The following MCC variants were observed in gnomAD, a reference collection of about 807,000 sequenced individuals.
MCC encodes the protein colorectal mutant cancer protein.
Under a neutral mutation model 116.2 loss-of-function variants are expected in MCC, and 90 were observed. That is an observed-to-expected ratio of 0.77 (90% CI 0.65 to 0.92). The LOEUF (loss-of-function observed/expected upper bound fraction) is 0.92. Ranked by LOEUF, MCC falls within the 40% of genes least tolerant of loss-of-function variation. The pLI is 0.00. For synonymous variants in MCC, 578 were observed against 510.5 expected (o/e 1.13, Z -1.78); for missense variants, 1,516 against 1,312.2 (o/e 1.16, Z -2.40).
intron 1 of MCC, among the ~76,000 whole-genome samples, chr5:113,447,188 A>T (rs930089976): frequency 6.6e-6 from 1 of 152,194 alleles, no homozygotes; most frequent in Admixed American, 6.5e-5. Flanking sequence ...AAATAAAATG[A>T]TGATTTTTAA....
At chr5:113,105,855 T>A (rs1194883262) in intron 6 of MCC, among the ~76,000 whole-genome samples, 1 of 152,192 alleles carries the variant, frequency 6.6e-6, no homozygotes, top group Non-Finnish European at 1.5e-5. Flanking sequence ...AACATTCATA[T>A]AAAGTCCCAA....
chr5:113,357,987 T>TA (rs1272167828), intron 2 of MCC, among the ~76,000 whole-genome samples: 1 of 152,188 alleles, frequency 6.6e-6, no homozygotes, highest in East Asian at 1.9e-4. Context: ...AAAAACTTTC[T>TA]AAAAAACTTT....
At chr5:113,351,743 AC>A (rs1768273737) in intron 2 of MCC, among the ~76,000 whole-genome samples, 1 of 151,994 alleles carries the variant, frequency 6.6e-6, no homozygotes, top group Admixed American at 6.6e-5. Flanking sequence ...GGGGATGGAT[AC>A]CCCTTTTACC....
chr5:113,105,694 C>T (rs910384219), intron 6 of MCC, among the ~76,000 whole-genome samples: 2 of 152,314 alleles, frequency 1.3e-5, no homozygotes, highest in Middle Eastern at 3.4e-3. Context: ...CTACTGACAC[C>T]ATCCTGCTCT....
chr5:113,253,665 T>G (rs923510439), intron 3 of MCC, among the ~76,000 whole-genome samples: 7 of 151,602 alleles, frequency 4.6e-5, no homozygotes, highest in Admixed American at 2.0e-4. Flanking sequence ...TGACTACATA[T>G]GAAGAAAGCT....
At chr5:113,196,705 C>T (rs539416256) in intron 3 of MCC, among the ~76,000 whole-genome samples, 113 of 152,134 alleles carry the variant, frequency 7.4e-4, no homozygotes, top group Non-Finnish European at 1.1e-3. Flanking sequence ...AAAAATTAGC[C>T]GAGCGTGGTG....
Position 113,052,719 on chromosome 5 carries a change from ACCT to A in MCC, c.2448+1003_2448+1005del, listed in dbSNP as rs1752565183. 2.0e-5 allele frequency among the ~76,000 whole-genome samples: 3 copies of A among 152,206 alleles called. No homozygotes were observed. The South Asian group carries it at 6.2e-4, about 32-fold the overall frequency. ...GAGCCATTAACTCTGCACTGCCACG[ACCT>A]GCTCTGGCTTGCTAGACTCCAGTTC... On this transcript the variant is annotated intron_variant, in intron 15 of 18. Coordinates refer to ENST00000408903, the MANE Select transcript of MCC (RefSeq NM_001085377.2).
chr5:113,336,592 G>A (rs527256608), intron 3 of MCC, among the ~76,000 whole-genome samples: 3 of 148,190 alleles, frequency 2.0e-5, no homozygotes, highest in African/African-American at 8.0e-5. Flanking sequence ...CCTCTTAACA[G>A]CTGATCTGAC....
intron 15 of MCC, among the ~76,000 whole-genome samples, chr5:113,049,690 A>C (rs1580926368): frequency 6.6e-6 from 1 of 152,154 alleles, no homozygotes; most frequent in South Asian, 2.1e-4. Context: ...CTGTAAAGTC[A>C]CCTATCCATG....
At chr5:113,294,620 G>A in intron 3 of MCC, 1 of 1,154,606 alleles carries the variant, frequency 8.7e-7, no homozygotes, top group Non-Finnish European at 1.1e-6. Flanking sequence ...GTGGCGCGGC[G>A]CGCTCGCAGC....
intron 2 of MCC, among the ~76,000 whole-genome samples, chr5:113,348,972 C>G (rs562788605): frequency 2.6e-4 from 40 of 152,082 alleles, no homozygotes; most frequent in African/African-American, 9.6e-4. Flanking sequence ...GGATAAATTC[C>G]TAGACACATA....
In MCC at chr5:113,023,321, C is replaced by T. The variant is rs1195586760; in HGVS notation, c.*3981G>A. ...ACCAGTTACGCCTCTTCTGTAAACT[C>T]TATAAGAGTGCTCAAAGGTGAATCA... On this transcript the variant is annotated 3_prime_UTR_variant, in exon 19 of 19. Coordinates refer to ENST00000408903, the MANE Select transcript of MCC (RefSeq NM_001085377.2). The T allele has an allele frequency of 2.0e-5, 3 of 152,188 alleles. No homozygotes were observed. The highest frequency in any genetic ancestry group is 4.4e-5 in the Non-Finnish European group (3 of 68,038). 9.4% of individuals were successfully genotyped at this position (152,188 alleles called of 1,614,324 possible).
At chr5:113,322,364 ACTT>A (rs1288939815) in intron 3 of MCC, among the ~76,000 whole-genome samples, 4 of 152,130 alleles carry the variant, frequency 2.6e-5, no homozygotes, top group Non-Finnish European at 5.9e-5. Context: ...CTGCATGAAA[ACTT>A]CTTTTCATGA....
At chr5:113,323,883 C>T (rs547094483) in intron 3 of MCC, among the ~76,000 whole-genome samples, 6 of 152,192 alleles carry the variant, frequency 3.9e-5, no homozygotes, top group East Asian at 3.9e-4. Context: ...GGCACCATAT[C>T]GAGACAATGT....
intron 4 of MCC, among the ~76,000 whole-genome samples, chr5:113,145,107 TA>T (rs1759414764): frequency 1.3e-5 from 2 of 152,236 alleles, no homozygotes; most frequent in African/African-American, 2.4e-5. Flanking sequence ...AAGAGCTTCA[TA>T]TTTCTCTGGA....
At chr5:113,136,860 C>T (rs906174306) in intron 5 of MCC, among the ~76,000 whole-genome samples, 1 of 152,170 alleles carries the variant, frequency 6.6e-6, no homozygotes, top group Non-Finnish European at 1.5e-5. Context: ...TTCTTTCTTT[C>T]CTAATTGCTC....
chr5:113,287,767 G>A (rs1355901885), intron 3 of MCC, among the ~76,000 whole-genome samples: 2 of 152,204 alleles, frequency 1.3e-5, no homozygotes, highest in African/African-American at 2.4e-5. Flanking sequence ...TTTATTTCCT[G>A]AGTATCACCA....
At chr5:113,053,195 T>A (rs191361089) in intron 15 of MCC, among the ~76,000 whole-genome samples, 107 of 152,236 alleles carry the variant, frequency 7.0e-4, no homozygotes, top group Middle Eastern at 3.4e-3. Context: ...AAGGGCCCAG[T>A]GTTTCAGATC....
chr5:113,486,835 C>T (rs1286680842), intron 1 of MCC, among the ~76,000 whole-genome samples: 1 of 89,124 alleles, frequency 1.1e-5, no homozygotes, highest in African/African-American at 3.9e-5. Context: ...GAGCGAGATT[C>T]TGTCTAAAAA....
Sources: gnomAD v4.1 joint callset for allele counts (sites outside exome capture counted in the v4.1 genomes callset) on GRCh38, gnomAD v4.1.1 for gene constraint, MANE v1.5 for transcripts, NCBI Gene and HGNC (gene_info 2026-07-23, HGNC 2026-07-21) for gene names.